The following COPG2 variants were observed in gnomAD, a reference collection of about 807,000 sequenced individuals.
COPG2 encodes the protein coat protein complex I subunit gamma 2.
A neutral mutation model predicts 46.3 loss-of-function variants in COPG2; 37 were observed. That is an observed-to-expected ratio of 0.80 (90% CI 0.61 to 1.05). The LOEUF (loss-of-function observed/expected upper bound fraction) is 1.05. Among genes scored for constraint, COPG2 ranks in the 50% least tolerant of loss-of-function variants. The probability of loss-of-function intolerance (pLI) is 0.00; values close to 1 mark genes in which losing one functional copy is unlikely to be tolerated. For synonymous variants in COPG2, 159 were observed against 129.7 expected (o/e 1.23, Z -1.53); for missense variants, 427 against 387.8 (o/e 1.10, Z -0.85).
chr7:130,623,535 T>C (rs1795070863), intron 5 of COPG2, among the ~76,000 whole-genome samples: 1 of 152,230 alleles, frequency 6.6e-6, no homozygotes, highest in East Asian at 1.9e-4. Flanking sequence ...TTTTCCTTTT[T>C]CAGTGACTTC....
At chr7:130,603,981 GAGAAA>G (rs1277846178) in intron 9 of COPG2, 2 of 406,094 alleles carry the variant, frequency 4.9e-6, no homozygotes, top group African/African-American at 2.1e-5. Context: ...AAGTAAGCTA[GAGAAA>G]AGAAAATATT....
intron 11 of COPG2, among the ~76,000 whole-genome samples, chr7:130,561,918 T>C (rs1407428975): frequency 1.3e-5 from 2 of 152,350 alleles, no homozygotes; most frequent in Admixed American, 6.5e-5. Flanking sequence ...TGTTTTTTAA[T>C]GGTGGGATGC....
At chr7:130,633,965 A>G (rs1211322367) in intron 5 of COPG2, among the ~76,000 whole-genome samples, 2 of 152,216 alleles carry the variant, frequency 1.3e-5, no homozygotes, top group Non-Finnish European at 2.9e-5. Flanking sequence ...AACATCATTT[A>G]TTAAATAGGG....
chr7:130,584,417 C>A (rs1794224850), intron 9 of COPG2, among the ~76,000 whole-genome samples: 1 of 151,972 alleles, frequency 6.6e-6, no homozygotes, highest in Non-Finnish European at 1.5e-5. Context: ...ACGATGCCCA[C>A]TCTCACCACG....
intron 20 of COPG2, among the ~76,000 whole-genome samples, chr7:130,544,050 TAAAG>T (rs1793389612): frequency 6.6e-6 from 1 of 152,114 alleles, no homozygotes; most frequent in Admixed American, 6.5e-5. Flanking sequence ...ATTCTAGTGA[TAAAG>T]GAAGGGGAAA....
intron 20 of COPG2, among the ~76,000 whole-genome samples, chr7:130,513,305 AAAAATATATAT>A (rs1454831461): frequency 4.0e-5 from 2 of 50,038 alleles, no homozygotes; most frequent in African/African-American, 8.7e-5. Context: ...AAAAAAAAAA[AAAAATATATAT>A]ATATATATAT....
chr7:130,545,108 A>T (rs1451930696), intron 20 of COPG2, among the ~76,000 whole-genome samples: 2 of 152,150 alleles, frequency 1.3e-5, no homozygotes, highest in Admixed American at 1.3e-4. Context: ...AAAGTGGATA[A>T]TTCTAGAATT....
At chr7:130,638,642 A>G (rs1355646213) in intron 5 of COPG2, among the ~76,000 whole-genome samples, 1 of 152,132 alleles carries the variant, frequency 6.6e-6, no homozygotes. Flanking sequence ...ATTTCAAGCC[A>G]GTGGATCTTA....
chr7:130,626,247 CA>C, intron 5 of COPG2, among the ~76,000 whole-genome samples: 1 of 152,186 alleles, frequency 6.6e-6, no homozygotes, highest in East Asian at 1.9e-4. Flanking sequence ...CCAAATTCAG[CA>C]TGACCATAAA....
At chr7:130,627,891 T>G (rs1341806183) in intron 5 of COPG2, among the ~76,000 whole-genome samples, 1 of 152,230 alleles carries the variant, frequency 6.6e-6, no homozygotes, top group African/African-American at 2.4e-5. Context: ...CAGTATTCTC[T>G]GAACTGAAAT....
At chr7:130,651,526 T>G (rs1795745378) in intron 5 of COPG2, among the ~76,000 whole-genome samples, 1 of 56,228 alleles carries the variant, frequency 1.8e-5, no homozygotes, top group Admixed American at 2.1e-4. Flanking sequence ...TTTTTTTTTT[T>G]TGAGACGGAG....
intron 20 of COPG2, among the ~76,000 whole-genome samples, chr7:130,538,658 G>C (rs980138367): frequency 7.9e-6 from 1 of 126,668 alleles, no homozygotes; most frequent in African/African-American, 3.0e-5. Context: ...GAACGTACTG[G>C]CAGGTAAACC....
chr7:130,528,145 C>A (rs1220914019), intron 20 of COPG2, among the ~76,000 whole-genome samples: 1 of 151,638 alleles, frequency 6.6e-6, no homozygotes, highest in Non-Finnish European at 1.5e-5. Flanking sequence ...TCAGGCAGGG[C>A]GGGAGAGTCA....
At chr7:130,523,809 G>C (rs1007453551) in intron 20 of COPG2, among the ~76,000 whole-genome samples, 1 of 152,142 alleles carries the variant, frequency 6.6e-6, no homozygotes, top group Non-Finnish European at 1.5e-5. Flanking sequence ...TGGAGACAGC[G>C]TGGAAGGAGA....
At chr7:130,651,328 T>TA (rs570650850) in intron 5 of COPG2, among the ~76,000 whole-genome samples, 45 of 151,798 alleles carry the variant, frequency 3.0e-4, no homozygotes, top group African/African-American at 9.2e-4. Context: ...AAATGTTTTT[T>TA]TTTTCTGAGA....
At chr7:130,514,997 G>A (rs2116340519) in intron 20 of COPG2, among the ~76,000 whole-genome samples, 1 of 152,238 alleles carries the variant, frequency 6.6e-6, no homozygotes, top group South Asian at 2.1e-4. Context: ...ATGCCTTAGT[G>A]GGAGATTTTT....
Position 130,567,854 on chromosome 7 carries a change from A to G in COPG2, c.738-3461T>C, listed in dbSNP as rs1285907861. 4.6e-5 allele frequency among the ~76,000 whole-genome samples: 7 copies of G among 152,136 alleles called. No individual in the cohort carries two copies. In the East Asian group the frequency reaches 1.2e-3, roughly 25 times the overall value. ...AAACCTTGAAATACACCAAAATAGA[A>G]CCTCCTTAAAGAAAAAAATCTCACA... is the stretch of plus-strand genomic sequence containing the variant. On this transcript the variant is annotated intron_variant, in intron 9 of 23. Coordinates refer to ENST00000425248, the MANE Select transcript of COPG2 (RefSeq NM_012133.6).
chr7:130,613,156 G>A (rs1179824883), intron 7 of COPG2, among the ~76,000 whole-genome samples: 13 of 152,158 alleles, frequency 8.5e-5, no homozygotes, highest in African/African-American at 3.1e-4. Context: ...GGATGAAACT[G>A]TTCCACCTCA....
At chr7:130,517,272 C>G (rs1007644234) in intron 20 of COPG2, among the ~76,000 whole-genome samples, 3 of 152,106 alleles carry the variant, frequency 2.0e-5, no homozygotes, top group Non-Finnish European at 4.4e-5. Context: ...TCGTATAAAA[C>G]AGACAAAAGT....
Sources: gnomAD v4.1 joint callset for allele counts (sites outside exome capture counted in the v4.1 genomes callset) on GRCh38, gnomAD v4.1.1 for gene constraint, MANE v1.5 for transcripts, NCBI Gene and HGNC (gene_info 2026-07-23, HGNC 2026-07-21) for gene names.